CYFIP1: variants seen among roughly 807,000 people sequenced by gnomAD.
CYFIP1 encodes cytoplasmic FMR1-interacting protein 1.
In CYFIP1, 58 loss-of-function variants were observed where a neutral mutation model predicts 163.5. The observed-to-expected ratio is 0.35, with a 90% CI of 0.29 to 0.44. CYFIP1 has a LOEUF of 0.44. Among genes scored for constraint, CYFIP1 ranks in the 20% least tolerant of loss-of-function variants. CYFIP1 has a pLI of 1.00. For missense variants in CYFIP1, 1,338 were observed against 1,653.8 expected (o/e 0.81, Z 3.31); for synonymous variants, 663 against 660.7 (o/e 1.00, Z -0.05).
intron 13 of CYFIP1, among the ~76,000 whole-genome samples, chr15:22,923,957 A>AAAAAAAAAAAAAACAAGAAAAAG (rs1555410523): frequency 2.0e-5 from 3 of 150,614 alleles, no homozygotes; most frequent in African/African-American, 7.4e-5. Context: ...AAAAAAAAAA[A>AAAAAAAAAAAAAACAAGAAAAAG]AAAAAAAACA....
intron 22 of CYFIP1, among the ~76,000 whole-genome samples, chr15:22,902,991 G>C (rs1385320688): frequency 2.6e-5 from 4 of 152,200 alleles, no homozygotes; most frequent in Non-Finnish European, 5.9e-5. Context: ...GGGACGCGGA[G>C]ATCAGAGGCA....
Position 22,918,865 on chromosome 15 carries a change from G to T in CYFIP1, c.1360-7C>A. The T allele has an allele frequency of 6.3e-7, 1 of 1,588,202 alleles. No homozygotes were observed. The highest frequency in any genetic ancestry group is 8.6e-7 in the Non-Finnish European group (1 of 1,167,400). On this transcript the variant is annotated splice_region_variant and splice_polypyrimidine_tract_variant and intron_variant, in intron 13 of 30. Coordinates refer to ENST00000617928, the MANE Select transcript of CYFIP1 (RefSeq NM_014608.6). ...CTTTGATCATGGCGATCACCTGCGGGGGACACAGCAACAGGGACGGCCCTT... is the reference window on the plus strand; with the variant it reads ...CTTTGATCATGGCGATCACCTGCGGTGGACACAGCAACAGGGACGGCCCTT...
At position 22,887,269 on chromosome 15, in the gene CYFIP1, C is replaced by T. The variant is rs149674282; in HGVS notation, c.2677-4258G>A. 5.9e-3 allele frequency among the ~76,000 whole-genome samples: 896 copies of T among 152,260 alleles called. 10 individuals are homozygous for T. Among genetic ancestry groups the T allele is most frequent in the African/African-American group, 0.02 (845 of 41,538 alleles). On this transcript the variant is annotated intron_variant, in intron 23 of 30. Coordinates refer to ENST00000617928, the MANE Select transcript of CYFIP1 (RefSeq NM_014608.6). ...AAAGAGCCAAAACTGATTACAGTGA[C>T]GAGATTAGACAACACTGAAGGACAG...
intron 1 of CYFIP1, among the ~76,000 whole-genome samples, chr15:22,971,246 C>T (rs757466022): frequency 3.3e-5 from 5 of 152,302 alleles, no homozygotes; most frequent in Middle Eastern, 6.8e-3. Context: ...CTGGCAACAA[C>T]AGAATTAATA....
intron 1 of CYFIP1, among the ~76,000 whole-genome samples, chr15:22,960,418 G>A (rs1253957266): frequency 6.6e-6 from 1 of 152,232 alleles, no homozygotes; most frequent in Non-Finnish European, 1.5e-5. Context: ...TGCAGAGACA[G>A]GAGCTCCATA....
intron 1 of CYFIP1, among the ~76,000 whole-genome samples, chr15:22,954,191 G>T (rs552415174): frequency 6.6e-6 from 1 of 152,276 alleles, no homozygotes; most frequent in South Asian, 2.1e-4. Context: ...GGCACAGAGG[G>T]AAGACCACGA....
At chr15:22,977,167 C>T (rs536086642) in intron 1 of CYFIP1, among the ~76,000 whole-genome samples, 22 of 151,672 alleles carry the variant, frequency 1.5e-4, no homozygotes, top group Non-Finnish European at 2.4e-4. Flanking sequence ...CCATTGCACT[C>T]TAGCCTGGGC....
intron 9 of CYFIP1, among the ~76,000 whole-genome samples, chr15:22,934,413 C>T (rs2061643538): frequency 6.7e-6 from 1 of 148,612 alleles, no homozygotes; most frequent in South Asian, 2.1e-4. Flanking sequence ...TCTCAATCTC[C>T]TGACCTCGTG....
intron 1 of CYFIP1, among the ~76,000 whole-genome samples, chr15:22,963,560 A>ACATAACATAACATAACATAACATAACAT (rs199915541): frequency 2.5e-5 from 3 of 118,750 alleles, no homozygotes; most frequent in Admixed American, 8.3e-5. Flanking sequence ...ATAACATAAG[A>ACATAACATAACATAACATAACATAACAT]AAGAATGAAA....
chr15:22,904,601 C>A (rs1260641721), intron 21 of CYFIP1: 1 of 152,284 alleles, frequency 6.6e-6, no homozygotes, highest in African/African-American at 2.4e-5. Context: ...AATAACTTCA[C>A]CTATTTCCTT....
At chr15:22,976,636 A>T (rs573480234) in intron 1 of CYFIP1, among the ~76,000 whole-genome samples, 159 of 152,214 alleles carry the variant, frequency 1.0e-3, no homozygotes, top group Non-Finnish European at 2.0e-3. Context: ...ACTTTTATTC[A>T]GTATATAATT....
chr15:22,873,762 G>C, intron 28 of CYFIP1, 33 bp from the exon 29 acceptor site: 1 of 1,563,206 alleles, frequency 6.4e-7, no homozygotes, highest in Non-Finnish European at 8.8e-7. Context: ...AATGCCGTGG[G>C]CCTCCAGGCA....
intron 27 of CYFIP1, among the ~76,000 whole-genome samples, chr15:22,874,907 C>G (rs1406425383): frequency 6.6e-6 from 1 of 152,082 alleles, no homozygotes; most frequent in Non-Finnish European, 1.5e-5. Flanking sequence ...GAGCCTGTAC[C>G]CATCATCTGC....
chr15:22,912,552 A>G (rs1380925903), intron 17 of CYFIP1, among the ~76,000 whole-genome samples: 1 of 152,240 alleles, frequency 6.6e-6, no homozygotes, highest in African/African-American at 2.4e-5. Flanking sequence ...CTTCTCACTT[A>G]GCAGACTTTA....
chr15:22,897,201 A>G (rs765422027), intron 22 of CYFIP1, among the ~76,000 whole-genome samples: 6 of 152,140 alleles, frequency 3.9e-5, no homozygotes, highest in Non-Finnish European at 5.9e-5. Context: ...CAACAAGAGC[A>G]AAACTCTGTC....
At chr15:22,928,303 A>T (rs2061422063) in intron 11 of CYFIP1, among the ~76,000 whole-genome samples, 1 of 152,170 alleles carries the variant, frequency 6.6e-6, no homozygotes. Flanking sequence ...GAATGGCGTG[A>T]GCCCGGGAGG....
At chr15:22,955,397 A>G (rs947666241) in intron 1 of CYFIP1, among the ~76,000 whole-genome samples, 2 of 152,228 alleles carry the variant, frequency 1.3e-5, no homozygotes, top group Non-Finnish European at 2.9e-5. Context: ...GCACAGAGGT[A>G]CAGATGGCCA....
intron 1 of CYFIP1, among the ~76,000 whole-genome samples, chr15:22,954,524 G>A (rs1031342351): frequency 2.6e-5 from 4 of 152,142 alleles, no homozygotes; most frequent in South Asian, 2.1e-4. Context: ...GCATGAGCTC[G>A]GTCACAAGGC....
chr15:22,899,577 G>C (rs1307247431), intron 22 of CYFIP1, among the ~76,000 whole-genome samples: 1 of 152,130 alleles, frequency 6.6e-6, no homozygotes, highest in African/African-American at 2.4e-5. Context: ...GCTGCCATGT[G>C]AGACATCCCT....
Sources: allele counts gnomAD v4.1 joint callset (sites outside exome capture counted in the v4.1 genomes callset), GRCh38; gene constraint gnomAD v4.1.1; transcripts MANE v1.5; gene names NCBI Gene and HGNC (gene_info 2026-07-23, HGNC 2026-07-21).